Variants in FGF12 observed in about 807,000 individuals in gnomAD.
FGF12 encodes fibroblast growth factor 12B.
In FGF12, 14 loss-of-function variants were observed where a neutral mutation model predicts 23.6. That is an observed-to-expected ratio of 0.59 (90% confidence interval 0.39 to 0.93). The LOEUF is 0.93. Among genes scored for constraint, FGF12 ranks in the 40% least tolerant of loss-of-function variants. The probability of loss-of-function intolerance (pLI) is 0.00; values close to 1 mark genes in which losing one functional copy is unlikely to be tolerated. For missense variants in FGF12, 175 were observed against 217.8 expected (o/e 0.80, Z 1.24); for synonymous variants, 62 against 77.3 (o/e 0.80, Z 1.04).
chr3:192,165,638 C>CTGAT (rs1465241911), intron 5 of FGF12, among the ~76,000 whole-genome samples: 1 of 151,524 alleles, frequency 6.6e-6, no homozygotes, highest in Non-Finnish European at 1.5e-5. Flanking sequence ...ACTGTTTTAT[C>CTGAT]TGATTGTTTA....
At chr3:192,367,032 T>C (rs1260965788) in intron 2 of FGF12, among the ~76,000 whole-genome samples, 4 of 152,042 alleles carry the variant, frequency 2.6e-5, no homozygotes, top group African/African-American at 9.7e-5. Context: ...GCAGAAAAAC[T>C]ACAGGTCAGA....
chr3:192,468,829 C>T (rs769810716), intron 2 of FGF12, among the ~76,000 whole-genome samples: 1 of 152,150 alleles, frequency 6.6e-6, no homozygotes, highest in Admixed American at 6.5e-5. Context: ...TCATTATTAA[C>T]GTGGGGTTTG....
intron 4 of FGF12, among the ~76,000 whole-genome samples, chr3:192,298,266 G>A (rs9823533): frequency 6.6e-6 from 1 of 152,144 alleles, no homozygotes; most frequent in East Asian, 1.9e-4. Flanking sequence ...TCTGTCCCTT[G>A]ATCTCATAGA....
intron 2 of FGF12, among the ~76,000 whole-genome samples, chr3:192,667,960 G>C (rs898236157): frequency 6.6e-6 from 1 of 152,126 alleles, no homozygotes; most frequent in African/African-American, 2.4e-5. Flanking sequence ...TTCTGAAAAT[G>C]TAATCTAGGG....
In FGF12 at chr3:192,248,789, A is replaced by G. The variant is rs776789495; in HGVS notation, c.229-78133T>C. Among the ~76,000 whole-genome samples, 17 of 152,136 alleles carry G rather than the reference A, an allele frequency of 1.1e-4. 1 individual carries two copies. The highest frequency in any genetic ancestry group is 1.8e-4 in the Non-Finnish European group (12 of 68,010). ...AGAGAGACCCTGTCTCAAAATAAAT[A>G]CACAAATATATAAAATCCTAAGAGT... On this transcript the variant is annotated intron_variant, in intron 4 of 5. Transcript: ENST00000445105.
At chr3:192,485,654 A>G (rs1723612758) in intron 2 of FGF12, among the ~76,000 whole-genome samples, 1 of 152,116 alleles carries the variant, frequency 6.6e-6, no homozygotes, top group South Asian at 2.1e-4. Flanking sequence ...GCATTTTAGG[A>G]TTTCTAGCAG....
chr3:192,581,116 G>A (rs1325195596), intron 2 of FGF12, among the ~76,000 whole-genome samples: 3 of 152,018 alleles, frequency 2.0e-5, no homozygotes, highest in Admixed American at 1.3e-4. Context: ...GAAGGGAATG[G>A]TTAATTATGA....
chr3:192,510,698 T>C (rs1036384179), intron 2 of FGF12, among the ~76,000 whole-genome samples: 1 of 152,216 alleles, frequency 6.6e-6, no homozygotes, highest in African/African-American at 2.4e-5. Context: ...TTCTTCATAA[T>C]TTCCAAGTCT....
chr3:192,678,259 T>C (rs986544146), intron 2 of FGF12, among the ~76,000 whole-genome samples: 3 of 152,208 alleles, frequency 2.0e-5, no homozygotes, highest in African/African-American at 4.8e-5. Context: ...GGTAAAGACA[T>C]GGTTGAGTAA....
intron 3 of FGF12, among the ~76,000 whole-genome samples, chr3:192,345,837 T>C (rs1257972477): frequency 6.6e-6 from 1 of 152,116 alleles, no homozygotes; most frequent in Non-Finnish European, 1.5e-5. Flanking sequence ...GCTCAAAAGG[T>C]AAAAAATCTT....
intron 2 of FGF12, among the ~76,000 whole-genome samples, chr3:192,622,502 G>A (rs989048799): frequency 3.3e-5 from 5 of 152,220 alleles, no homozygotes; most frequent in Non-Finnish European, 5.9e-5. Flanking sequence ...CCAGTCAGTG[G>A]GAGTCACTGT....
intron 2 of FGF12, among the ~76,000 whole-genome samples, chr3:192,389,059 A>G (rs1340820019): frequency 1.3e-5 from 2 of 152,162 alleles, no homozygotes; most frequent in African/African-American, 2.4e-5. Context: ...CCAATGTGAA[A>G]AGACTTAAAT....
chr3:192,249,182 G>T (rs1188017976), intron 4 of FGF12, among the ~76,000 whole-genome samples: 5 of 151,998 alleles, frequency 3.3e-5, no homozygotes, highest in African/African-American at 1.2e-4. Context: ...CCCATCCAAG[G>T]TCCCTAGCAG....
chr3:192,604,488 G>T (rs537190672), intron 2 of FGF12, among the ~76,000 whole-genome samples: 1 of 152,268 alleles, frequency 6.6e-6, no homozygotes, highest in East Asian at 1.9e-4. Context: ...CAACAGGAAT[G>T]CATCCAATCA....
At chr3:192,460,972 A>G (rs1248541446) in intron 2 of FGF12, among the ~76,000 whole-genome samples, 1 of 152,102 alleles carries the variant, frequency 6.6e-6, no homozygotes, top group African/African-American at 2.4e-5. Context: ...TATATTCATT[A>G]AGCATGTGGT....
chr3:192,341,570 T>G (rs1717689222), intron 3 of FGF12, among the ~76,000 whole-genome samples: 1 of 152,202 alleles, frequency 6.6e-6, no homozygotes, highest in Non-Finnish European at 1.5e-5. Context: ...AATTTTCATT[T>G]CATTATATTT....
At chr3:192,287,758 G>A (rs1300493866) in intron 4 of FGF12, among the ~76,000 whole-genome samples, 1 of 151,966 alleles carries the variant, frequency 6.6e-6, no homozygotes, top group Admixed American at 6.6e-5. Context: ...AGTTTACAAA[G>A]GTTGACACGG....
rs369364007 is a variant in FGF12 at position 192,433,885 on chromosome 3, T to A, written c.14-73347A>T. ...CTTTTGTGCCATGCCCCACACTGAGTCAGCACAGTGGGCAGTTTCAGTATT... is the reference window on the plus strand; with the variant it reads ...CTTTTGTGCCATGCCCCACACTGAGACAGCACAGTGGGCAGTTTCAGTATT... On this transcript the variant is annotated intron_variant, in intron 2 of 5. Coordinates refer to ENST00000445105, the MANE Select transcript of FGF12 (RefSeq NM_004113.6). Among the ~76,000 whole-genome samples, 55 of 152,270 alleles carry A rather than the reference T, an allele frequency of 3.6e-4. No homozygotes were observed. The East Asian group carries it at 9.8e-3, about 27-fold the overall frequency.
intron 2 of FGF12, among the ~76,000 whole-genome samples, chr3:192,694,586 C>A (rs1394929131): frequency 6.6e-6 from 1 of 151,342 alleles, no homozygotes; most frequent in African/African-American, 2.4e-5. Context: ...TATACATATA[C>A]GTACATATAT....
Sources: gnomAD v4.1 joint callset for allele counts (sites outside exome capture counted in the v4.1 genomes callset) on GRCh38, gnomAD v4.1.1 for gene constraint, MANE v1.5 for transcripts, NCBI Gene and HGNC (gene_info 2026-07-23, HGNC 2026-07-21) for gene names.